The following LIPC variants were observed in gnomAD, a reference collection of about 807,000 sequenced individuals.
LIPC encodes the protein hepatic triacylglycerol lipase.
In LIPC, 44 loss-of-function variants were observed where a neutral mutation model predicts 50.7. The ratio of observed to expected loss-of-function variants is 0.87; its 90% confidence interval spans 0.68 to 1.11. The LOEUF (loss-of-function observed/expected upper bound fraction) is 1.11. Among genes scored for constraint, LIPC ranks in the 50% most tolerant of loss-of-function variants. The probability of loss-of-function intolerance (pLI) is 0.00; values close to 1 mark genes in which losing one functional copy is unlikely to be tolerated. For synonymous variants in LIPC, 271 were observed against 256.4 expected, an observed-to-expected ratio of 1.06 and a Z score of -0.54; for missense variants, 697 against 648.2, an observed-to-expected ratio of 1.08 and a Z score of -0.82.
chr15:58,518,625 G>A (rs1892554892), intron 1 of LIPC, among the ~76,000 whole-genome samples: 1 of 152,220 alleles, frequency 6.6e-6, no homozygotes, highest in Non-Finnish European at 1.5e-5. Context: ...TGTGATGAGA[G>A]GCAGAACAGA....
chr15:58,473,718 A>T (rs1041720939), intron 1 of LIPC: 1 of 152,276 alleles, frequency 6.6e-6, no homozygotes, highest in Non-Finnish European at 1.5e-5. Flanking sequence ...TGAAGGAGGA[A>T]AGTGAGTCTT....
intron 1 of LIPC, chr15:58,436,960 C>A: frequency 2.3e-6 from 1 of 433,674 alleles, no homozygotes; most frequent in Non-Finnish European, 4.6e-6. Flanking sequence ...TTGATAGCAA[C>A]ACTTGTTAAA....
chr15:58,560,899 C>A lies in LIPC; in HGVS notation c.1087C>A (p.Gln363Lys), dbSNP rs764783951. The stretch of plus-strand genomic sequence containing the variant: ...CCAGTTCAAGATCCAGTTCATCAAC[C>A]AAACTGAGACACCAATACAAACAAC... ...HYQFKIQFIN[Q>K]TETPIQTTFT... Residue 363 changes from glutamine (Q) to lysine (K), a missense_variant, in exon 7 of 9, where the codon CAA becomes AAA. Gln to Lys is a moderately conservative substitution (Grantham distance 53). Coordinates refer to ENST00000299022, the MANE Select transcript of LIPC (RefSeq NM_000236.3). 10 of 1,480,988 alleles carry A rather than the reference C, an allele frequency of 6.8e-6. No homozygotes were observed. Among genetic ancestry groups the A allele is most frequent in the Middle Eastern group, 1.7e-4 (1 of 5,840 alleles). 91.7% of individuals were successfully genotyped at this position (1,480,988 alleles called of 1,614,324 possible).
chr15:58,554,530 G>A (rs1893866063), intron 6 of LIPC, among the ~76,000 whole-genome samples: 1 of 148,582 alleles, frequency 6.7e-6, no homozygotes, highest in Non-Finnish European at 1.5e-5. Flanking sequence ...TAGAATGATA[G>A]GCAAATTGTC....
intron 6 of LIPC, among the ~76,000 whole-genome samples, chr15:58,554,161 A>G (rs1309832018): frequency 6.6e-6 from 1 of 152,182 alleles, no homozygotes; most frequent in Non-Finnish European, 1.5e-5. Context: ...AGAAAATGTA[A>G]GTTTTTTCTT....
At position 58,538,484 on chromosome 15, in the gene LIPC, C is replaced by T; in HGVS notation, c.240C>T (p.Ser80=). The T allele has an allele frequency of 6.2e-7, 1 of 1,614,182 alleles. No individual in the cohort carries two copies. The highest frequency in any genetic ancestry group is 2.2e-5 in the East Asian group (1 of 44,880). ...TACAGGAGTGCGGCTTCAACTCCTC[C>T]CTGCCTCTGGTGATGATAATCCACG... ...DTLQECGFNS[S]LPLVMIIHGW... Residue 80 remains serine (S), a synonymous_variant, in exon 2 of 9, where the codon TCC becomes TCT. Transcript: ENST00000299022.
intron 6 of LIPC, among the ~76,000 whole-genome samples, chr15:58,559,635 G>A (rs527244664): frequency 6.6e-6 from 1 of 150,882 alleles, no homozygotes; most frequent in Non-Finnish European, 1.5e-5. Flanking sequence ...GAGCTCAGGA[G>A]GTCAAGGCTG....
chr15:58,526,212 G>T (rs1183873283), intron 1 of LIPC, among the ~76,000 whole-genome samples: 1 of 152,224 alleles, frequency 6.6e-6, no homozygotes, highest in Admixed American at 6.5e-5. Flanking sequence ...ATGAATACAT[G>T]AGAACCACTG....
chr15:58,536,389 A>T (rs1312248320), intron 1 of LIPC, among the ~76,000 whole-genome samples: 7 of 152,166 alleles, frequency 4.6e-5, no homozygotes, highest in South Asian at 2.1e-4. Flanking sequence ...AGGTATAGTC[A>T]TTTCTGTTTT....
At chr15:58,537,599 G>A (rs760011167) in intron 1 of LIPC, among the ~76,000 whole-genome samples, 1 of 152,094 alleles carries the variant, frequency 6.6e-6, no homozygotes, top group Non-Finnish European at 1.5e-5. Context: ...TGTATGCAAG[G>A]TTGCATGCCT....
chr15:58,526,434 G>T (rs1346212506), intron 1 of LIPC, among the ~76,000 whole-genome samples: 1 of 152,164 alleles, frequency 6.6e-6, no homozygotes, highest in African/African-American at 2.4e-5. Flanking sequence ...CCTAGCTGGT[G>T]GAGGTAGGGA....
At chr15:58,433,573 G>T (rs1420668860) in intron 1 of LIPC, among the ~76,000 whole-genome samples, 1 of 152,206 alleles carries the variant, frequency 6.6e-6, no homozygotes, top group Non-Finnish European at 1.5e-5. Flanking sequence ...TTCCACTGCG[G>T]GACCATGCCA....
rs187613933 is a variant in LIPC, at chr15:58,555,246, G to A, written c.1052-5618G>A. On this transcript the variant is annotated intron_variant, in intron 6 of 8. Transcript: ENST00000299022. ...AGAAAAAGGGAAGAAAAAGTGTATCGCCAAGACAAGGGCATGAAACATTTT... is the reference window on the plus strand; with the variant it reads ...AGAAAAAGGGAAGAAAAAGTGTATCACCAAGACAAGGGCATGAAACATTTT... Among the ~76,000 whole-genome samples, 110 of 152,264 alleles carry A rather than the reference G, an allele frequency of 7.2e-4. 2 individuals are homozygous for A. The East Asian group carries it at 0.017, about 23-fold the overall frequency.
chr15:58,489,217 C>CGGGGGGGGGG (rs59532809), intron 1 of LIPC, among the ~76,000 whole-genome samples: 9 of 16,538 alleles, frequency 5.4e-4, no homozygotes, highest in South Asian at 2.3e-3. Flanking sequence ...CATTTTGTTG[C>CGGGGGGGGGG]GGGGGCGGGG....
At chr15:58,568,307 A>G (rs1216978389) in intron 8 of LIPC, among the ~76,000 whole-genome samples, 1 of 152,210 alleles carries the variant, frequency 6.6e-6, no homozygotes, top group Non-Finnish European at 1.5e-5. Flanking sequence ...GAGCTTGTCC[A>G]AGGAGGGAAG....
At chr15:58,461,583 T>C (rs1450334923) in intron 1 of LIPC, among the ~76,000 whole-genome samples, 2 of 106,488 alleles carry the variant, frequency 1.9e-5, no homozygotes, top group African/African-American at 5.7e-5. Context: ...TAATTTTTGA[T>C]TTTTTTTTTT....
intron 1 of LIPC, among the ~76,000 whole-genome samples, chr15:58,443,145 C>T (rs1206241954): frequency 6.6e-6 from 1 of 152,148 alleles, no homozygotes. Context: ...ACTCCTGCCT[C>T]AAGTGATCTG....
At chr15:58,512,620 G>A (rs186277182) in intron 1 of LIPC, among the ~76,000 whole-genome samples, 4 of 152,302 alleles carry the variant, frequency 2.6e-5, no homozygotes, top group African/African-American at 9.6e-5. Flanking sequence ...AGATCCAGCA[G>A]TCTTTTAGGA....
At chr15:58,436,978 A>T (rs1304982880) in intron 1 of LIPC, 10 of 413,524 alleles carry the variant, frequency 2.4e-5, no homozygotes, top group Admixed American at 1.6e-4. Flanking sequence ...AAACTGCAAC[A>T]AACTGGAAAC....
Sources: allele counts gnomAD v4.1 joint callset (sites outside exome capture counted in the v4.1 genomes callset), GRCh38; gene constraint gnomAD v4.1.1; transcripts MANE v1.5; gene names NCBI Gene and HGNC (gene_info 2026-07-23, HGNC 2026-07-21).